The following CACNB2 variants were observed in gnomAD, a reference collection of about 807,000 sequenced individuals.
CACNB2 encodes calcium voltage-gated channel auxiliary subunit beta 2.
A neutral mutation model predicts 73.3 loss-of-function variants in CACNB2; 42 were observed. That is an observed-to-expected ratio of 0.57 (90% CI 0.45 to 0.74). CACNB2 has a LOEUF of 0.74. Ranked by LOEUF, CACNB2 falls within the 30% of genes least tolerant of loss-of-function variation. The pLI, the probability that CACNB2 is intolerant of heterozygous loss-of-function variation, is 0.00. For synonymous variants in CACNB2, 348 were observed against 310.3 expected (o/e 1.12, Z -1.28); for missense variants, 940 against 853.0 (o/e 1.10, Z -1.27).
chr10:18,473,134 C>T (rs2048275234), intron 3 of CACNB2, among the ~76,000 whole-genome samples: 1 of 152,192 alleles, frequency 6.6e-6, no homozygotes, highest in Non-Finnish European at 1.5e-5. Context: ...AAGGTCATCA[C>T]TAAAAATTGT....
At chr10:18,250,234 T>G (rs1198546515) in intron 2 of CACNB2, among the ~76,000 whole-genome samples, 1 of 152,246 alleles carries the variant, frequency 6.6e-6, no homozygotes, top group Non-Finnish European at 1.5e-5. Context: ...TTCTGAGATA[T>G]AAATCAAGCT....
At chr10:18,382,182 A>C (rs185020556) in intron 2 of CACNB2, among the ~76,000 whole-genome samples, 2 of 152,058 alleles carry the variant, frequency 1.3e-5, no homozygotes, top group Admixed American at 6.5e-5. Flanking sequence ...TAATAATAAA[A>C]TATACTTGCT....
chr10:18,288,658 T>TG (rs1485033898), intron 2 of CACNB2, among the ~76,000 whole-genome samples: 2 of 143,184 alleles, frequency 1.4e-5, no homozygotes, highest in East Asian at 3.9e-4. Flanking sequence ...TATAGCAAGA[T>TG]GCAGCAAATG....
In CACNB2 at chr10:18,501,923, C is replaced by G. The variant is rs897077942; in HGVS notation, c.593+975C>G. On this transcript the variant is annotated intron_variant, in intron 5 of 13. Coordinates refer to ENST00000324631, the MANE Select transcript of CACNB2 (RefSeq NM_201596.3). ...TCCTCTGTGTTTTGAGACCTCCACC[C>G]CAGAATTGACTTTCATTAATTCCTG... Among the ~76,000 whole-genome samples the G allele has an allele frequency of 1.3e-4, 20 of 152,288 alleles. No individual in the cohort carries two copies. In the South Asian group the frequency reaches 2.1e-3, roughly 16 times the overall value.
chr10:18,503,641 G>T (rs764998213), intron 5 of CACNB2, among the ~76,000 whole-genome samples: 1 of 152,164 alleles, frequency 6.6e-6, no homozygotes, highest in Non-Finnish European at 1.5e-5. Context: ...TTTTAATAGG[G>T]TGTAGACATT....
At chr10:18,446,049 T>C (rs1361008469) in intron 3 of CACNB2, among the ~76,000 whole-genome samples, 1 of 151,980 alleles carries the variant, frequency 6.6e-6, no homozygotes, top group African/African-American at 2.4e-5. Flanking sequence ...AAAGAAGTGG[T>C]GGGATTGTAG....
intron 3 of CACNB2, among the ~76,000 whole-genome samples, chr10:18,420,314 TAC>T (rs56183878): frequency 1.0e-3 from 136 of 136,012 alleles, no homozygotes; most frequent in Non-Finnish European, 1.4e-3. Flanking sequence ...TAAACACACA[TAC>T]ACACACACAC....
chr10:18,375,567 C>T (rs544733553), intron 2 of CACNB2, among the ~76,000 whole-genome samples: 1 of 152,240 alleles, frequency 6.6e-6, no homozygotes, highest in East Asian at 1.9e-4. Context: ...AAATAGAAGG[C>T]AATATTTGTC....
At chr10:18,467,043 G>A (rs1160476337) in intron 3 of CACNB2, among the ~76,000 whole-genome samples, 2 of 151,970 alleles carry the variant, frequency 1.3e-5, no homozygotes, top group Non-Finnish European at 2.9e-5. Flanking sequence ...AATCCCAGCT[G>A]CTAGGGAGGC....
rs141100641 is a variant in CACNB2, at chr10:18,489,089, G to A, written c.334-9266G>A. ...AGCACTTTGGGAGGCCGAGGTGGGC[G>A]GATCATGATATCAGGAGATCAAGAC... is the stretch of plus-strand genomic sequence containing the variant. On this transcript the variant is annotated intron_variant, in intron 3 of 13. Coordinates refer to ENST00000324631, the MANE Select transcript of CACNB2 (RefSeq NM_201596.3). 8.4e-3 allele frequency among the ~76,000 whole-genome samples: 1,270 copies of A among 151,998 alleles called. 29 individuals carry two copies. The highest frequency in any genetic ancestry group is 0.046 in the Admixed American group (699 of 15,240).
chr10:18,272,723 G>A (rs2038108747), intron 2 of CACNB2, among the ~76,000 whole-genome samples: 1 of 152,214 alleles, frequency 6.6e-6, no homozygotes, highest in African/African-American at 2.4e-5. Context: ...CATGTAAGAT[G>A]TCCCTTTGCT....
At chr10:18,242,903 G>T (rs765800985) in intron 2 of CACNB2, among the ~76,000 whole-genome samples, 4 of 150,768 alleles carry the variant, frequency 2.7e-5, no homozygotes, top group African/African-American at 7.3e-5. Context: ...CCAGCTATTC[G>T]GGAGGCTGAG....
intron 2 of CACNB2, among the ~76,000 whole-genome samples, chr10:18,326,766 GC>G (rs2040603582): frequency 2.6e-5 from 4 of 152,152 alleles, no homozygotes; most frequent in Non-Finnish European, 4.4e-5. Flanking sequence ...TCACTCTGTT[GC>G]CCAAGTTGGA....
intron 2 of CACNB2, among the ~76,000 whole-genome samples, chr10:18,287,950 T>G (rs905639683): frequency 6.6e-6 from 1 of 152,198 alleles, no homozygotes; most frequent in Non-Finnish European, 1.5e-5. Context: ...GCTTCTGGTG[T>G]TTGCTGACAG....
intron 2 of CACNB2, among the ~76,000 whole-genome samples, chr10:18,333,090 T>C (rs2040865673): frequency 6.6e-6 from 1 of 152,216 alleles, no homozygotes; most frequent in South Asian, 2.1e-4. Context: ...GCTATGCCTC[T>C]TCATTAATAA....
chr10:18,516,814 G>GTTTT (rs796929745), intron 7 of CACNB2, among the ~76,000 whole-genome samples: 5 of 142,172 alleles, frequency 3.5e-5, no homozygotes, highest in African/African-American at 5.1e-5. Context: ...TGTTTGTCTT[G>GTTTT]TTTTTTTTTT....
intron 3 of CACNB2, among the ~76,000 whole-genome samples, chr10:18,422,555 CTCG>C (rs1156461590): frequency 6.6e-6 from 1 of 152,194 alleles, no homozygotes; most frequent in Non-Finnish European, 1.5e-5. Flanking sequence ...TCTCTCCTCA[CTCG>C]TCACCTCCCA....
chr10:18,215,577 G>A (rs2035478703), intron 2 of CACNB2, among the ~76,000 whole-genome samples: 1 of 152,202 alleles, frequency 6.6e-6, no homozygotes, highest in African/African-American at 2.4e-5. Flanking sequence ...AACCTCTTAA[G>A]AAATAAAAAT....
intron 3 of CACNB2, among the ~76,000 whole-genome samples, chr10:18,449,076 A>G (rs565126069): frequency 5.3e-5 from 8 of 152,278 alleles, no homozygotes; most frequent in African/African-American, 1.7e-4. Context: ...AGCCCCTACC[A>G]AATTCCTTAT....
Sources: allele counts gnomAD v4.1 joint callset (sites outside exome capture counted in the v4.1 genomes callset), GRCh38; gene constraint gnomAD v4.1.1; transcripts MANE v1.5; gene names NCBI Gene and HGNC (gene_info 2026-07-23, HGNC 2026-07-21).